Variants in HORMAD2 observed in about 807,000 individuals in gnomAD.
HORMAD2 encodes HORMA domain-containing protein 2.
In HORMAD2, 45 loss-of-function variants were observed where a neutral mutation model predicts 38.8. The ratio of observed to expected loss-of-function variants is 1.16; its 90% CI spans 0.91 to 1.49. HORMAD2 has a LOEUF of 1.49. Among genes scored for constraint, HORMAD2 ranks in the 40% most tolerant of loss-of-function variants. HORMAD2 has a pLI of 0.00. For synonymous variants in HORMAD2, 126 were observed against 122.8 expected (o/e 1.03, Z -0.17); for missense variants, 338 against 367.0 (o/e 0.92, Z 0.65).
chr22:30,094,681 A>G (rs1042401286), intron 2 of HORMAD2, among the ~76,000 whole-genome samples: 1 of 152,198 alleles, frequency 6.6e-6, no homozygotes, highest in African/African-American at 2.4e-5. Flanking sequence ...TAGAGATTTC[A>G]TGTGGACTGG....
Position 30,098,824 on chromosome 22 carries a change from T to C in HORMAD2, c.52-28T>C, listed in dbSNP as rs1920926001. 4.4e-6 allele frequency: 7 copies of C among 1,594,118 alleles called. No individual in the cohort carries two copies. In the East Asian group the frequency reaches 1.6e-4, roughly 36 times the overall value. ...AACTGAATATATTAAATAATACTAA[T>C]CTTTTTTCACCTCCGTTGTTTTTCC... On this transcript the variant is annotated intron_variant, in intron 2 of 10. Transcript: ENST00000336726.
intron 10 of HORMAD2, among the ~76,000 whole-genome samples, chr22:30,172,946 T>G (rs1926204772): frequency 6.6e-6 from 1 of 150,622 alleles, no homozygotes; most frequent in South Asian, 2.1e-4. Flanking sequence ...GGAAGACTAG[T>G]AAGTAGGCCT....
intron 5 of HORMAD2, among the ~76,000 whole-genome samples, chr22:30,105,692 A>G (rs956320535): frequency 6.6e-6 from 1 of 152,232 alleles, no homozygotes; most frequent in Non-Finnish European, 1.5e-5. Flanking sequence ...GGCAGAAGAT[A>G]AGTGAATTCA....
intron 1 of HORMAD2, among the ~76,000 whole-genome samples, chr22:30,089,336 G>T (rs956367131): frequency 6.6e-6 from 1 of 151,368 alleles, no homozygotes; most frequent in Non-Finnish European, 1.5e-5. Context: ...TAAAGAAAAG[G>T]GAAAATTTGC....
At chr22:30,091,659 A>C (rs1195020117) in intron 1 of HORMAD2, among the ~76,000 whole-genome samples, 2 of 152,162 alleles carry the variant, frequency 1.3e-5, no homozygotes, top group Non-Finnish European at 2.9e-5. Context: ...ATGGAGGTAT[A>C]GATATCTCTT....
At chr22:30,168,676 A>G (rs899980116) in intron 10 of HORMAD2, among the ~76,000 whole-genome samples, 1 of 152,070 alleles carries the variant, frequency 6.6e-6, no homozygotes, top group Non-Finnish European at 1.5e-5. Context: ...ATTAATGATC[A>G]AGTCATGGTA....
chr22:30,111,302 A>G (rs1921633515), intron 5 of HORMAD2, among the ~76,000 whole-genome samples: 1 of 152,070 alleles, frequency 6.6e-6, no homozygotes, highest in Non-Finnish European at 1.5e-5. Flanking sequence ...CCTAGCCAAC[A>G]TGGCAAAACC....
At chr22:30,119,093 G>T in intron 8 of HORMAD2, 46 bp downstream of exon 8, 1 of 1,335,818 alleles carries the variant, frequency 7.5e-7, no homozygotes, top group South Asian at 1.3e-5. Context: ...ATAGGATTGA[G>T]GTAAACATAA....
chr22:30,180,135 C>T (rs1388209402), downstream of HORMAD2, among the ~76,000 whole-genome samples: 4 of 152,124 alleles, frequency 2.6e-5, no homozygotes, highest in Non-Finnish European at 5.9e-5. Flanking sequence ...AACAATTTGC[C>T]CGCCTCAGCC....
chr22:30,174,615 A>G (rs1181884607), intron 10 of HORMAD2, among the ~76,000 whole-genome samples: 1 of 152,192 alleles, frequency 6.6e-6, no homozygotes, highest in Non-Finnish European at 1.5e-5. Context: ...GAACAAAACT[A>G]TTAAACCATC....
At chr22:30,169,264 T>C (rs1925966753) in intron 10 of HORMAD2, among the ~76,000 whole-genome samples, 1 of 152,190 alleles carries the variant, frequency 6.6e-6, no homozygotes, top group South Asian at 2.1e-4. Context: ...TGTTTCCCCG[T>C]ACCAGGCCTT....
chr22:30,122,689 C>T (rs1922544846), intron 10 of HORMAD2, among the ~76,000 whole-genome samples: 1 of 152,108 alleles, frequency 6.6e-6, no homozygotes, highest in Non-Finnish European at 1.5e-5. Context: ...GGAAGACAAG[C>T]TTTGGGGCTA....
intron 10 of HORMAD2, among the ~76,000 whole-genome samples, chr22:30,155,352 T>C (rs931534565): frequency 2.0e-5 from 3 of 152,318 alleles, no homozygotes; most frequent in East Asian, 3.9e-4. Flanking sequence ...TTTATATCAG[T>C]ATGGACTCAT....
intron 5 of HORMAD2, among the ~76,000 whole-genome samples, chr22:30,106,712 A>G (rs1921225733): frequency 6.6e-6 from 1 of 152,350 alleles, no homozygotes; most frequent in South Asian, 2.1e-4. Context: ...TCTGTCACTT[A>G]ACACCTGTGT....
intron 10 of HORMAD2, among the ~76,000 whole-genome samples, chr22:30,172,734 A>C (rs1926187571): frequency 6.6e-6 from 1 of 152,152 alleles, no homozygotes; most frequent in Non-Finnish European, 1.5e-5. Context: ...CTAAAAATAC[A>C]AAAATTAGCT....
intron 1 of HORMAD2, among the ~76,000 whole-genome samples, chr22:30,088,198 T>TACATATATACATATATAC (rs1360685009): frequency 1.3e-5 from 2 of 150,138 alleles, no homozygotes; most frequent in Admixed American, 1.3e-4. Flanking sequence ...TACCTATGTA[T>TACATATATACATATATAC]ACATATATAC....
chr22:30,138,018 C>A lies in HORMAD2; in HGVS notation c.819+15804C>A, dbSNP rs1193397675. The stretch of plus-strand genomic sequence containing the variant: ...AAAGTGGCTGTACCATTTTACATTC[C>A]CAACATCAGTGTATGAGGGTTCCAA... On this transcript the variant is annotated intron_variant, in intron 10 of 10. Coordinates refer to ENST00000336726, the MANE Select transcript of HORMAD2 (RefSeq NM_152510.4). Among the ~76,000 whole-genome samples, 7 of 152,192 alleles carry A rather than the reference C, an allele frequency of 4.6e-5. No individual in the cohort carries two copies. The East Asian group carries it at 1.2e-3, about 25-fold the overall frequency.
the HORMAD2 span, chr22:30,192,294 G>A: frequency 1.3e-5 from 2 of 152,342 alleles, no homozygotes; most frequent in Admixed American, 1.3e-4. Context: ...AGAGAGAGAG[G>A]TCTAGCATGG....
At chr22:30,144,577 C>A (rs939120709) in intron 10 of HORMAD2, among the ~76,000 whole-genome samples, 1 of 152,304 alleles carries the variant, frequency 6.6e-6, no homozygotes, top group African/African-American at 2.4e-5. Context: ...ACGGGGACAA[C>A]GGTGTGCTTA....
Sources: allele counts gnomAD v4.1 joint callset (sites outside exome capture counted in the v4.1 genomes callset), GRCh38; gene constraint gnomAD v4.1.1; transcripts MANE v1.5; gene names NCBI Gene and HGNC (gene_info 2026-07-23, HGNC 2026-07-21).